Variants in RAET1L observed in about 807,000 individuals in gnomAD.
RAET1L encodes the protein retinoic acid early transcript 1L.
A neutral mutation model predicts 23.9 loss-of-function variants in RAET1L; 16 were observed. The observed-to-expected ratio is 0.67, with a 90% CI of 0.45 to 1.02. RAET1L has a LOEUF of 1.02. Ranked by LOEUF, RAET1L falls within the 50% of genes least tolerant of loss-of-function variation. The pLI is 0.00. For missense variants in RAET1L, 233 were observed against 304.0 expected, an observed-to-expected ratio of 0.77 and a Z score of 1.74; for synonymous variants, 70 against 111.2, an observed-to-expected ratio of 0.63 and a Z score of 2.33.
At chr6:150,025,151 T>A (rs970820495) in intron 1 of RAET1L, among the ~76,000 whole-genome samples, 3 of 152,106 alleles carry the variant, frequency 2.0e-5, no homozygotes, top group African/African-American at 7.2e-5. Context: ...CTCTGGCCCC[T>A]CCACCCTCCT....
chr6:150,020,886 T>C lies in RAET1L; in HGVS notation c.631+19A>G, dbSNP rs1199264090. The C allele has an allele frequency of 1.2e-6, 2 of 1,611,420 alleles. No individual in the cohort carries two copies. Among genetic ancestry groups the C allele is most frequent in the Non-Finnish European group, 1.7e-6 (2 of 1,178,500 alleles). On this transcript the variant is annotated intron_variant, in intron 3 of 4. Coordinates refer to ENST00000367341, the MANE Select transcript of RAET1L (RefSeq NM_130900.3). Reference sequence around the variant, plus strand: ...TTTCTGATCTCATTTAAGATCCCCGTTTCTTTTTCTCCTGTTACCTCCTGC... The same window carrying C: ...TTTCTGATCTCATTTAAGATCCCCGCTTCTTTTTCTCCTGTTACCTCCTGC...
intron 1 of RAET1L, among the ~76,000 whole-genome samples, chr6:150,023,613 A>G (rs138228216): frequency 0.013 from 2,040 of 152,352 alleles, 40 homozygotes; most frequent in African/African-American, 0.047. Context: ...AAGCAGCCAT[A>G]GACAATCCAT....
intron 1 of RAET1L, among the ~76,000 whole-genome samples, chr6:150,024,950 T>A (rs550740015): frequency 6.6e-6 from 1 of 152,028 alleles, no homozygotes; most frequent in Non-Finnish European, 1.5e-5. Context: ...GTTTGTGTGG[T>A]AGAGAGCAGG....
At chr6:150,024,186 A>G (rs550169747) in intron 1 of RAET1L, among the ~76,000 whole-genome samples, 1 of 152,238 alleles carries the variant, frequency 6.6e-6, no homozygotes, top group Admixed American at 6.5e-5. Flanking sequence ...TAAGCCCCCA[A>G]CTATGGGACC....
intron 2 of RAET1L, among the ~76,000 whole-genome samples, 200 bp from the exon 3 acceptor site, chr6:150,021,386 T>G (rs998938417): frequency 7.0e-6 from 1 of 141,858 alleles, no homozygotes; most frequent in Admixed American, 7.1e-5. Flanking sequence ...CCAGGCTGGA[T>G]GGAGTGCAGT....
At chr6:150,024,198 C>T (rs924963944) in intron 1 of RAET1L, among the ~76,000 whole-genome samples, 3 of 152,242 alleles carry the variant, frequency 2.0e-5, no homozygotes, top group East Asian at 3.9e-4. Context: ...TATGGGACCC[C>T]CACTCCCATC....
At chr6:150,022,878 C>A (rs1779904821) in intron 1 of RAET1L, among the ~76,000 whole-genome samples, 1 of 83,242 alleles carries the variant, frequency 1.2e-5, no homozygotes, top group African/African-American at 4.3e-5. Context: ...GAGAAGTGCC[C>A]ATGCCAGAGG....
intron 2 of RAET1L, 144 bp from the exon 3 acceptor site, chr6:150,021,330 T>C: frequency 1.8e-6 from 2 of 1,087,234 alleles, no homozygotes; most frequent in Non-Finnish European, 2.5e-6. Context: ...GACCTTCCCA[T>C]TTGTATTTTT....
Position 150,018,835 on chromosome 6 carries a change from C to CT in RAET1L, c.*42dup. ...TTGATCAAGACCGTGCTCACAGGGG[C>CT]TTTTTGGTATCATCTTTAACCTTCA... On this transcript the variant is annotated 3_prime_UTR_variant, in exon 5 of 5. Coordinates refer to ENST00000367341, the MANE Select transcript of RAET1L (RefSeq NM_130900.3). 2 of 341,118 alleles carry CT rather than the reference C, an allele frequency of 5.9e-6. No individual in the cohort carries two copies. The highest frequency in any genetic ancestry group is 2.2e-5 in the African/African-American group (1 of 45,174). The allele number at this position is 341,118 out of a possible 1,614,324, so 21.1% of individuals were successfully genotyped here.
At chr6:150,021,267 T>C in intron 2 of RAET1L, 81 bp from the exon 3 acceptor site, 1 of 1,461,706 alleles carries the variant, frequency 6.8e-7, no homozygotes. Context: ...TTTGCTGGCC[T>C]TACTCTCTCT....
At position 150,025,411 on chromosome 6, in the gene RAET1L, C is replaced by A. The variant is rs537650384; in HGVS notation, c.61G>T (p.Gly21Cys). 20 of 1,613,858 alleles carry A rather than the reference C, an allele frequency of 1.2e-5. No homozygotes were observed. The African/African-American group carries it at 2.1e-4, about 17-fold the overall frequency. ...CCGTCTCGCCTAGCCCGGGACCAGC[C>A]GAACAGCAGGAACAGAAGCGGGAGG... is the stretch of plus-strand genomic sequence containing the variant. The part of the protein sequence containing the change: ...LCLPLLFLLF[G>C]WSRARRDDPH... Residue 21 changes from glycine (G) to cysteine (C), a missense_variant, in exon 1 of 5, where the codon GGC (glycine) becomes TGC (cysteine). Gly to Cys is a radical substitution (Grantham distance 159). This residue lies in a region of RAET1L where 42 missense variants were observed against 35.0 expected (regional missense o/e 1.20). Coordinates refer to ENST00000367341, the MANE Select transcript of RAET1L (RefSeq NM_130900.3).
chr6:150,020,538 T>C (rs1779872430), intron 3 of RAET1L, among the ~76,000 whole-genome samples: 1 of 151,770 alleles, frequency 6.6e-6, no homozygotes. Context: ...CTGGCTGGTG[T>C]TGGAAGTGGT....
rs1779846513 is a variant in RAET1L, at chr6:150,018,427, A to G, written c.*451T>C. ...TTAATATAAATTTTTTTCTTATTAA[A>G]TAATTAAACAATTCTCTTTCAGGAC... is the stretch of plus-strand genomic sequence containing the variant. On this transcript the variant is annotated 3_prime_UTR_variant, in exon 5 of 5. Transcript: ENST00000367341. 1 of 152,274 alleles carries G rather than the reference A, an allele frequency of 6.6e-6. No individual in the cohort carries two copies. The allele number at this position is 152,274 out of a possible 1,614,324, so 9.4% of individuals were successfully genotyped here. A position where few individuals can be genotyped will look rare whatever the true frequency, so the allele number is the denominator to read the frequency against.
intron 3 of RAET1L, among the ~76,000 whole-genome samples, chr6:150,020,571 AC>A (rs754320325): frequency 3.9e-5 from 6 of 152,162 alleles, no homozygotes; most frequent in Non-Finnish European, 5.9e-5. Flanking sequence ...CCAGAACCAG[AC>A]CAGGGAAAGG....
At chr6:150,024,333 A>C (rs1190739655) in intron 1 of RAET1L, among the ~76,000 whole-genome samples, 1 of 152,132 alleles carries the variant, frequency 6.6e-6, no homozygotes, top group Non-Finnish European at 1.5e-5. Flanking sequence ...TAATCCCCTG[A>C]TCTGGGATCA....
chr6:150,018,950 C>T (rs1267239032), intron 4 of RAET1L, 95 bp from the exon 5 acceptor site: 2 of 228,664 alleles, frequency 8.7e-6, no homozygotes, highest in Non-Finnish European at 1.7e-5. Flanking sequence ...TCTCAGAGCC[C>T]CCTGCACTAA....
intron 3 of RAET1L, among the ~76,000 whole-genome samples, chr6:150,020,447 G>A (rs568083273): frequency 4.3e-4 from 66 of 152,246 alleles, no homozygotes; most frequent in African/African-American, 1.5e-3. Flanking sequence ...GCTGCTGAGG[G>A]AAGCAAGGTG....
rs546637938 is a variant in RAET1L at position 150,025,375 on chromosome 6, C to G, written c.85+12G>C. The G allele has an allele frequency of 7.4e-6, 12 of 1,612,096 alleles. No homozygotes were observed. The South Asian group carries it at 1.2e-4, about 16-fold the overall frequency. On this transcript the variant is annotated intron_variant, in intron 1 of 4. Coordinates refer to ENST00000367341, the MANE Select transcript of RAET1L (RefSeq NM_130900.3). Reference sequence around the variant, plus strand: ...GGCCCCCGCCCCGCTTAGGCTCCATCCACCAGCTCACCGTCTCGCCTAGCC... The same window carrying G: ...GGCCCCCGCCCCGCTTAGGCTCCATGCACCAGCTCACCGTCTCGCCTAGCC...
intron 3 of RAET1L, 133 bp downstream of exon 3, chr6:150,020,772 G>C: frequency 7.0e-7 from 1 of 1,435,114 alleles, no homozygotes; most frequent in South Asian, 1.4e-5. Flanking sequence ...ACCCCAGGAG[G>C]AGGGCCCGAC....
Sources: gnomAD v4.1 joint callset for allele counts (sites outside exome capture counted in the v4.1 genomes callset) on GRCh38, gnomAD v4.1.1 for gene constraint, gnomAD v4.1.1 regional missense constraint, MANE v1.5 for transcripts, NCBI Gene and HGNC (gene_info 2026-07-23, HGNC 2026-07-21) for gene names.